The following WASHC5 variants were observed in gnomAD, a reference collection of about 807,000 sequenced individuals.
WASHC5 encodes the protein WASH complex subunit 5.
Under a neutral mutation model 150.4 loss-of-function variants are expected in WASHC5, and 101 were observed. The ratio of observed to expected loss-of-function variants is 0.67; its 90% CI spans 0.57 to 0.79. The LOEUF (loss-of-function observed/expected upper bound fraction) is 0.79, where lower values mean the gene tolerates loss of function less well. WASHC5 is among the 30% of genes least tolerant of loss of function. WASHC5 has a pLI of 0.00. For missense variants in WASHC5, 1,195 were observed against 1,396.3 expected, an observed-to-expected ratio of 0.86 and a Z score of 2.30; for synonymous variants, 467 against 491.2, an observed-to-expected ratio of 0.95 and a Z score of 0.65.
chr8:125,082,912 C>T lies in WASHC5; in HGVS notation c.332+201G>A, dbSNP rs1586389748. 9 of 486,598 alleles carry T rather than the reference C, an allele frequency of 1.8e-5. No individual in the cohort carries two copies. In the East Asian group the frequency reaches 3.1e-4, roughly 17 times the overall value. 30.1% of individuals were successfully genotyped at this position (486,598 alleles called of 1,614,324 possible). ...TAGTTAAACTAAGTTTATTACAACA[C>T]CTCATAAGAGCAGGACATTATAGTA... On this transcript the variant is annotated intron_variant, in intron 3 of 28. Transcript: ENST00000318410.
intron 19 of WASHC5, among the ~76,000 whole-genome samples, chr8:125,047,721 T>C (rs925266018): frequency 6.6e-6 from 1 of 152,110 alleles, no homozygotes; most frequent in East Asian, 1.9e-4. Context: ...TATAGGCGTG[T>C]GCCAGGTCTG....
At chr8:125,053,542 C>T (rs1428545522) in intron 17 of WASHC5, among the ~76,000 whole-genome samples, 1 of 152,238 alleles carries the variant, frequency 6.6e-6, no homozygotes, top group Admixed American at 6.5e-5. Context: ...TGTACATTCT[C>T]TACACATCAA....
rs202184316 is a variant in WASHC5 at position 125,028,687 on chromosome 8, G to C, written c.3356C>G (p.Pro1119Arg). The C allele has an allele frequency of 2.8e-5, 45 of 1,613,626 alleles. No individual in the cohort carries two copies. In the Admixed American group the frequency reaches 7.5e-4, roughly 27 times the overall value. ...QCTSQKIPEIPADVVGALLFL... is the reference protein window; with the variant it reads ...QCTSQKIPEIRADVVGALLFL... ...CAGAAGGGCACCCACAACATCTGCA[G>C]GAATTTCAGGTATCTTCTGGCTGTG... Residue 1119 changes from proline (P) to arginine (R), a missense_variant, in exon 28 of 29, where the codon CCT becomes CGT. Pro to Arg is a moderately radical substitution (Grantham distance 103, BLOSUM62 -2). This residue lies in a region of WASHC5 where 997 missense variants were observed against 1,168.1 expected (regional missense o/e 0.85). Transcript: ENST00000318410.
At chr8:125,036,177 A>C (rs994595310) in intron 26 of WASHC5, among the ~76,000 whole-genome samples, 1 of 152,234 alleles carries the variant, frequency 6.6e-6, no homozygotes, top group Non-Finnish European at 1.5e-5. Context: ...CTATATTGTT[A>C]CTTTTCCCAT....
chr8:125,037,447 T>C (rs887581060), intron 25 of WASHC5, 114 bp from the exon 26 acceptor site: 1 of 737,868 alleles, frequency 1.4e-6, no homozygotes, highest in African/African-American at 1.7e-5. Flanking sequence ...TTGGCTTTCC[T>C]GAAATGTGGA....
At chr8:125,053,199 C>T (rs1212339428) in intron 17 of WASHC5, among the ~76,000 whole-genome samples, 1 of 151,366 alleles carries the variant, frequency 6.6e-6, no homozygotes, top group African/African-American at 2.4e-5. Context: ...TGAACCTACA[C>T]TTTTTATAAG....
intron 1 of WASHC5, among the ~76,000 whole-genome samples, chr8:125,089,941 T>A (rs1237189424): frequency 1.3e-5 from 2 of 152,124 alleles, no homozygotes; most frequent in Non-Finnish European, 2.9e-5. Context: ...TATATTAAAT[T>A]TTTAATGCAA....
At chr8:125,037,035 T>A (rs907115538) in intron 26 of WASHC5, among the ~76,000 whole-genome samples, 7 of 151,784 alleles carry the variant, frequency 4.6e-5, no homozygotes, top group Admixed American at 2.0e-4. Flanking sequence ...AATAAATAAA[T>A]AAAAATAAGA....
intron 27 of WASHC5, among the ~76,000 whole-genome samples, chr8:125,030,637 TAAAAAAAAAAAAAA>T (rs71295816): frequency 1.9e-5 from 1 of 52,804 alleles, no homozygotes; most frequent in African/African-American, 7.2e-5. Flanking sequence ...CTCTTTCTCA[TAAAAAAAAAAAAAA>T]AAAAAAAAAA....
chr8:125,061,029 C>A, intron 12 of WASHC5, 53 bp downstream of exon 12: 2 of 955,996 alleles, frequency 2.1e-6, no homozygotes, highest in South Asian at 2.6e-5. Context: ...CTGGGTGGGT[C>A]ATAAGGTGTG....
intron 28 of WASHC5, 32 bp from the exon 29 acceptor site, chr8:125,024,705 TGTTATA>T (rs1228187631): frequency 6.9e-7 from 1 of 1,447,034 alleles, no homozygotes. Flanking sequence ...TTATTCATGG[TGTTATA>T]GTTGAACAAT....
At chr8:125,079,698 T>C (rs1436476164) in intron 5 of WASHC5, among the ~76,000 whole-genome samples, 1 of 152,192 alleles carries the variant, frequency 6.6e-6, no homozygotes, top group African/African-American at 2.4e-5. Context: ...CATAAGTGAA[T>C]AATTCTGGAG....
chr8:125,043,868 T>C lies in WASHC5; in HGVS notation c.2807A>G (p.Lys936Arg). The change falls in exon 23 of 29, where the codon AAA becomes AGA. Residue 936 changes from lysine to arginine, a missense_variant. Physicochemically the swap from Lys to Arg is conservative, Grantham distance 26. Around this residue, in one of 3 missense-constraint regions of WASHC5, gnomAD observed 997 missense variants for 1,168.1 expected, o/e 0.85. Transcript: ENST00000318410. ...ATACGCAGTCCAAATCTTCTGTGTT[T>C]TGGCAATGGCGGAAAAATAAATTTT... ...SNKIYFSAIA[K>R]TQKIWTAYLE... The C allele has an allele frequency of 6.2e-7, 1 of 1,613,332 alleles. No homozygotes were observed. The highest frequency in any genetic ancestry group is 8.5e-7 in the Non-Finnish European group (1 of 1,179,274).
chr8:125,052,908 T>C (rs1440824481), intron 17 of WASHC5, among the ~76,000 whole-genome samples: 1 of 152,198 alleles, frequency 6.6e-6, no homozygotes, highest in Non-Finnish European at 1.5e-5. Context: ...CATCATAGTT[T>C]AGCTTACCCT....
intron 17 of WASHC5, among the ~76,000 whole-genome samples, chr8:125,053,008 T>A (rs902774162): frequency 2.6e-5 from 4 of 152,272 alleles, no homozygotes; most frequent in Admixed American, 6.5e-5. Context: ...GTATTGAATA[T>A]CTCATGTAAT....
In WASHC5 at chr8:125,063,957, T is replaced by C. The variant is rs184384005; in HGVS notation, c.1279-306A>G. On this transcript the variant is annotated intron_variant, in intron 10 of 28. Transcript: ENST00000318410. ...AGATTCTCGTTCAGGCGGTCTTGAATAGGGCCAGAAATCCGCATTTTTAAT... is the reference window on the plus strand; with the variant it reads ...AGATTCTCGTTCAGGCGGTCTTGAACAGGGCCAGAAATCCGCATTTTTAAT... 8.5e-5 allele frequency among the ~76,000 whole-genome samples: 13 copies of C among 152,244 alleles called. 1 individual carries two copies. Among genetic ancestry groups the C allele is most frequent in the Admixed American group, 8.5e-4 (13 of 15,296 alleles).
At chr8:125,037,019 T>C (rs1357104400) in intron 26 of WASHC5, among the ~76,000 whole-genome samples, 2 of 151,710 alleles carry the variant, frequency 1.3e-5, no homozygotes, top group Non-Finnish European at 2.9e-5. Context: ...ATCTCAAAAA[T>C]AAATAAATAA....
intron 27 of WASHC5, 96 bp from the exon 28 acceptor site, chr8:125,028,803 T>A: frequency 1.2e-6 from 1 of 817,708 alleles, no homozygotes; most frequent in Non-Finnish European, 2.1e-6. Flanking sequence ...ACAGATTACC[T>A]AATGAAGTCA....
In WASHC5 at chr8:125,059,268, C is replaced by T. The variant is rs1816509982; in HGVS notation, c.1718G>A (p.Arg573Lys). Residue 573 changes from arginine to lysine, a missense_variant, in exon 14 of 29, where the codon AGG becomes AAG. By Grantham distance (26) the Arg-to-Lys change is conservative (BLOSUM62 2). Around this residue, in one of 3 missense-constraint regions of WASHC5, gnomAD observed 997 missense variants for 1,168.1 expected, o/e 0.85. Coordinates refer to ENST00000318410, the MANE Select transcript of WASHC5 (RefSeq NM_014846.4). ...TTTAGTAACCATGGATGGATTTACCCTTATGCTTTCTTGCATGATGGATGT... is the reference window on the plus strand; with the variant it reads ...TTTAGTAACCATGGATGGATTTACCTTTATGCTTTCTTGCATGATGGATGT... Reference protein sequence around the residue: ...SFTSIMQESIRVNPSMVTKLR... With the variant: ...SFTSIMQESIKVNPSMVTKLR... 1.9e-6 allele frequency: 3 copies of T among 1,613,860 alleles called. No homozygotes were observed. The highest frequency in any genetic ancestry group is 2.2e-5 in the South Asian group (2 of 91,066).
Sources: allele counts gnomAD v4.1 joint callset (sites outside exome capture counted in the v4.1 genomes callset), GRCh38; gene constraint gnomAD v4.1.1; regional missense constraint gnomAD v4.1.1; transcripts MANE v1.5; gene names NCBI Gene and HGNC (gene_info 2026-07-23, HGNC 2026-07-21).